The following AKAP6 variants were observed in gnomAD, a reference collection of about 807,000 sequenced individuals.
The protein encoded by AKAP6 is A-kinase anchor protein 6.
Under a neutral mutation model 188.5 loss-of-function variants are expected in AKAP6, and 58 were observed. The observed-to-expected ratio is 0.31, with a 90% CI of 0.25 to 0.38. The LOEUF (loss-of-function observed/expected upper bound fraction) is 0.38, where lower values mean the gene tolerates loss of function less well. Among genes scored for constraint, AKAP6 ranks in the 10% least tolerant of loss-of-function variants. AKAP6 has a pLI of 1.00. For missense variants in AKAP6, 2,710 were observed against 2,740.0 expected, an observed-to-expected ratio of 0.99 and a Z score of 0.24; for synonymous variants, 989 against 998.6, an observed-to-expected ratio of 0.99 and a Z score of 0.18.
At chr14:32,760,797 T>G (rs1353165514) in intron 11 of AKAP6, among the ~76,000 whole-genome samples, 3 of 152,226 alleles carry the variant, frequency 2.0e-5, no homozygotes, top group Non-Finnish European at 4.4e-5. Context: ...TTATATTTCC[T>G]TTTCACAGGG....
chr14:32,396,256 A>G (rs1888876161), intron 1 of AKAP6, among the ~76,000 whole-genome samples: 1 of 152,202 alleles, frequency 6.6e-6, no homozygotes, highest in African/African-American at 2.4e-5. Context: ...GTTTGTGGTC[A>G]TGGCTTGCCA....
At chr14:32,447,309 T>C (rs1356629064) in intron 2 of AKAP6, among the ~76,000 whole-genome samples, 1 of 152,230 alleles carries the variant, frequency 6.6e-6, no homozygotes, top group Non-Finnish European at 1.5e-5. Context: ...TCTCCTACTT[T>C]TTTGTATAAA....
intron 7 of AKAP6, among the ~76,000 whole-genome samples, chr14:32,617,524 G>A (rs1475425871): frequency 2.0e-5 from 3 of 152,164 alleles, no homozygotes; most frequent in Non-Finnish European, 2.9e-5. Context: ...GCAATGCTCA[G>A]CGTAATATAT....
At chr14:32,793,638 A>G (rs2033676127) in intron 12 of AKAP6, among the ~76,000 whole-genome samples, 1 of 151,926 alleles carries the variant, frequency 6.6e-6, no homozygotes, top group Admixed American at 6.6e-5. Context: ...ATTAGCAAAG[A>G]TACTCAGGAC....
chr14:32,331,411 A>G (rs1040990041), intron 1 of AKAP6, among the ~76,000 whole-genome samples: 1 of 151,960 alleles, frequency 6.6e-6, no homozygotes, highest in Non-Finnish European at 1.5e-5. Context: ...GGACTGACGC[A>G]GTTATCTAGT....
In AKAP6 at chr14:32,824,834, C is replaced by T; in HGVS notation, c.*42+19C>T. ...CTGAAAGGTACGTATAGTCCTCATG[C>T]CGTATATGTATTTAAAATATTGAGT... On this transcript the variant is annotated intron_variant, in intron 13 of 13. Coordinates refer to ENST00000280979, the MANE Select transcript of AKAP6 (RefSeq NM_004274.5). The T allele has an allele frequency of 6.6e-7, 1 of 1,523,252 alleles. No individual in the cohort carries two copies. Among genetic ancestry groups the T allele is most frequent in the Non-Finnish European group, 8.8e-7 (1 of 1,136,460 alleles). 94.4% of individuals were successfully genotyped at this position (1,523,252 alleles called of 1,614,324 possible).
intron 1 of AKAP6, among the ~76,000 whole-genome samples, chr14:32,366,965 A>G (rs1887856039): frequency 6.6e-6 from 1 of 152,130 alleles, no homozygotes; most frequent in Admixed American, 6.6e-5. Context: ...ATCCCTCTTC[A>G]TGAAGCTCTG....
chr14:32,492,989 C>G (rs1019184422), intron 2 of AKAP6, among the ~76,000 whole-genome samples: 3 of 152,136 alleles, frequency 2.0e-5, no homozygotes, highest in Non-Finnish European at 4.4e-5. Flanking sequence ...TGTGTCTTGC[C>G]TTTCTGTATT....
intron 7 of AKAP6, among the ~76,000 whole-genome samples, chr14:32,628,868 G>C (rs994909975): frequency 6.6e-6 from 1 of 151,978 alleles, no homozygotes; most frequent in African/African-American, 2.4e-5. Context: ...AGAATAAAAT[G>C]AACACTTTGT....
intron 1 of AKAP6, among the ~76,000 whole-genome samples, chr14:32,431,105 A>AG (rs1890206951): frequency 1.5e-5 from 1 of 65,288 alleles, no homozygotes; most frequent in Non-Finnish European, 5.9e-5. Flanking sequence ...ACTCCATCTC[A>AG]AAAAAAAAAA....
At chr14:32,612,548 AT>A (rs892542976) in intron 7 of AKAP6, among the ~76,000 whole-genome samples, 3 of 151,666 alleles carry the variant, frequency 2.0e-5, no homozygotes, top group Non-Finnish European at 2.9e-5. Flanking sequence ...GCCACTTGTT[AT>A]TTTTTTTGTA....
intron 8 of AKAP6, among the ~76,000 whole-genome samples, chr14:32,690,887 C>T (rs1594851673): frequency 1.3e-5 from 2 of 152,162 alleles, no homozygotes; most frequent in South Asian, 4.1e-4. Context: ...TAAGAAATAT[C>T]AAAAAGAATA....
intron 2 of AKAP6, among the ~76,000 whole-genome samples, chr14:32,511,357 A>G (rs960686146): frequency 7.0e-6 from 1 of 143,866 alleles, no homozygotes; most frequent in East Asian, 2.0e-4. Context: ...GAAATCATCT[A>G]CTGCTACCTT....
chr14:32,538,675 T>G (rs1443019037), intron 3 of AKAP6, among the ~76,000 whole-genome samples: 1 of 152,144 alleles, frequency 6.6e-6, no homozygotes, highest in Admixed American at 6.5e-5. Context: ...TCTGCAATTT[T>G]CTATATTCCA....
Position 32,737,868 on chromosome 14 carries a change from T to C in AKAP6, c.3372+1986T>C, listed in dbSNP as rs1036524545. Among the ~76,000 whole-genome samples, 3 of 152,160 alleles carry C rather than the reference T, an allele frequency of 2.0e-5. No individual in the cohort carries two copies. In the South Asian group the frequency reaches 6.2e-4, roughly 32 times the overall value. ...TTGTAGACAGAACTGCGTTTCCTTC[T>C]AATAGATTGGTCTGGGATGAGACAA... On this transcript the variant is annotated intron_variant, in intron 11 of 13. Coordinates refer to ENST00000280979, the MANE Select transcript of AKAP6 (RefSeq NM_004274.5).
intron 1 of AKAP6, among the ~76,000 whole-genome samples, chr14:32,419,552 G>T (rs1889769976): frequency 6.6e-6 from 1 of 152,122 alleles, no homozygotes; most frequent in Admixed American, 6.6e-5. Context: ...ATCTCAGCCT[G>T]ATTCAATTGT....
intron 1 of AKAP6, among the ~76,000 whole-genome samples, chr14:32,331,718 G>A (rs1228325839): frequency 6.6e-6 from 1 of 151,996 alleles, no homozygotes; most frequent in Admixed American, 6.6e-5. Flanking sequence ...TAGGGGAAGG[G>A]AGAGATTTCT....
rs541327764 is a variant in AKAP6 at position 32,784,579 on chromosome 14, C to T, written c.3588+10686C>T. 5.3e-5 allele frequency among the ~76,000 whole-genome samples: 8 copies of T among 152,280 alleles called. No homozygotes were observed. The East Asian group carries it at 1.4e-3, about 26-fold the overall frequency. Reference sequence around the variant, plus strand: ...CCCTCTAAAAAGCCATGTGGCATATCTTAAGTGTCACTCACCAAGAGAGTG... The same window carrying T: ...CCCTCTAAAAAGCCATGTGGCATATTTTAAGTGTCACTCACCAAGAGAGTG... On this transcript the variant is annotated intron_variant, in intron 12 of 13. Coordinates refer to ENST00000280979, the MANE Select transcript of AKAP6 (RefSeq NM_004274.5).
chr14:32,573,080 G>A (rs1884563051), intron 4 of AKAP6, among the ~76,000 whole-genome samples: 1 of 152,148 alleles, frequency 6.6e-6, no homozygotes, highest in Non-Finnish European at 1.5e-5. Context: ...CTCTCCATGT[G>A]CTCCTGGACA....
Sources: gnomAD v4.1 joint callset for allele counts (sites outside exome capture counted in the v4.1 genomes callset) on GRCh38, gnomAD v4.1.1 for gene constraint, MANE v1.5 for transcripts, NCBI Gene and HGNC (gene_info 2026-07-23, HGNC 2026-07-21) for gene names.